The following PCDHA4 variants were observed in gnomAD, a reference collection of about 807,000 sequenced individuals.
The protein encoded by PCDHA4 is protocadherin alpha-4.
A neutral mutation model predicts 61.4 loss-of-function variants in PCDHA4; 49 were observed. That is an observed-to-expected ratio of 0.80 (90% confidence interval 0.63 to 1.01). PCDHA4 has a LOEUF of 1.01. Ranked by LOEUF, PCDHA4 falls within the 50% of genes least tolerant of loss-of-function variation. The pLI, the probability that PCDHA4 is intolerant of heterozygous loss-of-function variation, is 0.00. For missense variants in PCDHA4, 1,254 were observed against 1,235.8 expected, an observed-to-expected ratio of 1.01 and a Z score of -0.22; for synonymous variants, 590 against 550.3, an observed-to-expected ratio of 1.07 and a Z score of -1.01.
chr5:140,894,603 C>G (rs782068626), intron 1 of PCDHA4, among the ~76,000 whole-genome samples: 1 of 151,756 alleles, frequency 6.6e-6, no homozygotes, highest in African/African-American at 2.4e-5. Context: ...TTTCTCATCT[C>G]TCTTTTCAAA....
rs529382424 is a variant in PCDHA4 at position 140,924,810 on chromosome 5, G to A, written c.2386-54139G>A. 4.8e-4 allele frequency among the ~76,000 whole-genome samples: 73 copies of A among 151,660 alleles called. No homozygotes were observed. The South Asian group carries it at 9.2e-3, about 19-fold the overall frequency. ...CTTAGGAGGCTGAGGCAAGAGAATC[G>A]CTTGAACCTGGGAGGGGGAGGTTGC... On this transcript the variant is annotated intron_variant, in intron 1 of 3. Transcript: ENST00000530339.
chr5:140,998,017 C>T (rs555584429), intron 3 of PCDHA4, among the ~76,000 whole-genome samples: 67 of 152,292 alleles, frequency 4.4e-4, no homozygotes, highest in African/African-American at 1.4e-3. Context: ...ATCCCCACCT[C>T]GAGCTAGTGC....
rs2098417418 is a variant in PCDHA4, at chr5:141,010,475, T to A, written c.*538T>A. On this transcript the variant is annotated 3_prime_UTR_variant, in exon 4 of 4. Coordinates refer to ENST00000530339, the MANE Select transcript of PCDHA4 (RefSeq NM_018907.4). ...GGAAGTTATCAGTATGGAGGGGAAG[T>A]GTAAACTTAAAGGGACCAGACTTTC... 16 of 757,310 alleles carry A rather than the reference T, an allele frequency of 2.1e-5. No homozygotes were observed. The highest frequency in any genetic ancestry group is 3.0e-5 in the Non-Finnish European group (15 of 502,774). 46.9% of individuals were successfully genotyped at this position (757,310 alleles called of 1,614,324 possible). A position where few individuals can be genotyped will look rare whatever the true frequency, so the allele number is the denominator to read the frequency against.
intron 1 of PCDHA4, chr5:140,967,438 C>T: frequency 6.2e-7 from 1 of 1,613,548 alleles, no homozygotes; most frequent in South Asian, 1.1e-5. Flanking sequence ...CCTTGCACCA[C>T]CTGGTTCTCA....
At chr5:140,988,471 G>A (rs1442408975) in intron 3 of PCDHA4, among the ~76,000 whole-genome samples, 1 of 152,078 alleles carries the variant, frequency 6.6e-6, no homozygotes, top group Non-Finnish European at 1.5e-5. Context: ...TGTGGGAAGG[G>A]GAATTAGCAT....
At chr5:140,878,451 T>A (rs2057595888) in intron 1 of PCDHA4, among the ~76,000 whole-genome samples, 1 of 152,250 alleles carries the variant, frequency 6.6e-6, no homozygotes, top group Non-Finnish European at 1.5e-5. Context: ...CTTATTTACA[T>A]GAAATATAAT....
At chr5:140,887,668 A>G (rs1047587717) in intron 1 of PCDHA4, among the ~76,000 whole-genome samples, 1 of 151,958 alleles carries the variant, frequency 6.6e-6, no homozygotes, top group Non-Finnish European at 1.5e-5. Context: ...CTGTGGATTT[A>G]TCATTTTCAT....
chr5:140,914,639 G>C (rs1348153716), intron 1 of PCDHA4, among the ~76,000 whole-genome samples: 5 of 151,890 alleles, frequency 3.3e-5, no homozygotes, highest in Admixed American at 3.3e-4. Context: ...TGGTTTCATG[G>C]TCATCTCTCC....
rs1395413340 is a variant in PCDHA4 at position 140,844,044 on chromosome 5, A to G, written c.2385+34472A>G. ...GGGCATTTTGATCTTTGGTGAAAGT[A>G]TTCCCCCAAAGCGTTTATTCTTTTG... On this transcript the variant is annotated intron_variant, in intron 1 of 3. Coordinates refer to ENST00000530339, the MANE Select transcript of PCDHA4 (RefSeq NM_018907.4). 1.3e-5 allele frequency among the ~76,000 whole-genome samples: 2 copies of G among 149,664 alleles called. 1 individual carries two copies. The highest frequency in any genetic ancestry group is 4.9e-5 in the African/African-American group (2 of 40,852).
intron 3 of PCDHA4, among the ~76,000 whole-genome samples, chr5:141,007,506 T>A (rs1370245633): frequency 6.6e-6 from 1 of 151,948 alleles, no homozygotes; most frequent in Non-Finnish European, 1.5e-5. Flanking sequence ...AGGCAGAGAC[T>A]GCAGTGAGCT....
In PCDHA4 at chr5:140,808,976, G is replaced by A. The variant is rs1554124931; in HGVS notation, c.1789G>A (p.Val597Met). ...CCACGTGGTGGCAAAGGTGCGCGCG[G>A]TGGATGCTGACTCGGGCTACAACGC... ...VGHVVAKVRA[V>M]DADSGYNAWL... Residue 597 changes from valine (V) to methionine (M), a missense_variant, in exon 1 of 4, where the codon GTG becomes ATG. Physicochemically the swap from Val to Met is conservative, Grantham distance 21 (BLOSUM62 1). Coordinates refer to ENST00000530339, the MANE Select transcript of PCDHA4 (RefSeq NM_018907.4). The A allele has an allele frequency of 1.2e-6, 2 of 1,613,688 alleles. No individual in the cohort carries two copies. The highest frequency in any genetic ancestry group is 1.1e-5 in the South Asian group (1 of 91,054).
chr5:141,010,285 C>G lies in PCDHA4; in HGVS notation c.*348C>G, dbSNP rs1214485732. ...CTCCGGGGATCCTGTCTTGATGACA[C>G]TTGCAGGGCAGGCTGAAAAGTTTTG... On this transcript the variant is annotated 3_prime_UTR_variant, in exon 4 of 4. Transcript: ENST00000530339. 1.3e-6 allele frequency: 2 copies of G among 1,550,576 alleles called. No individual in the cohort carries two copies. Among genetic ancestry groups the G allele is most frequent in the Non-Finnish European group, 1.7e-6 (2 of 1,146,690 alleles).
At position 140,807,239 on chromosome 5, in the gene PCDHA4, C is replaced by G. The variant is rs782505608; in HGVS notation, c.52C>G (p.Leu18Val). The G allele has an allele frequency of 6.2e-7, 1 of 1,613,964 alleles. No homozygotes were observed. The highest frequency in any genetic ancestry group is 1.3e-5 in the African/African-American group (1 of 74,938). ...GGAATCCCGGCGTCTGCTGCTCTTA[C>G]TTCTTCTCCTCGCAGCCTGGGAGGC... ...GQESRRLLLL[L>V]LLLAAWEAGN... The change falls in exon 1 of 4, where the codon CTT becomes GTT. Residue 18 changes from leucine to valine, a missense_variant. Coordinates refer to ENST00000530339, the MANE Select transcript of PCDHA4 (RefSeq NM_018907.4).
intron 1 of PCDHA4, chr5:140,823,567 C>A (rs2150126965): frequency 1.2e-6 from 2 of 1,613,944 alleles, no homozygotes; most frequent in South Asian, 2.2e-5. Context: ...CGCAGTGGAC[C>A]CTGATTCGGG....
In PCDHA4 at chr5:140,858,604, A is replaced by T. The variant is rs547814145; in HGVS notation, c.2385+49032A>T. 1.3e-3 allele frequency: 1,648 copies of T among 1,276,538 alleles called. 106 individuals carry two copies. The South Asian group carries it at 0.023, about 18-fold the overall frequency. 79.1% of individuals were successfully genotyped at this position (1,276,538 alleles called of 1,614,324 possible). ...TATAATTTATTCCAGGAGTTTTAAA[A>T]TTTTTTTATCCTACCCAGTGTGTCA... On this transcript the variant is annotated intron_variant, in intron 1 of 3. Transcript: ENST00000530339.
intron 1 of PCDHA4, among the ~76,000 whole-genome samples, chr5:140,915,626 G>GTCTCTCTCTCTCTCTC (rs57920489): frequency 1.4e-5 from 2 of 146,436 alleles, no homozygotes; most frequent in African/African-American, 2.5e-5. Context: ...GTCTCTTTCT[G>GTCTCTCTCTCTCTCTC]TCTCTCTCTC....
At chr5:140,823,960 G>A (rs2150130834) in intron 1 of PCDHA4, 1 of 1,614,104 alleles carries the variant, frequency 6.2e-7, no homozygotes, top group South Asian at 1.1e-5. Context: ...GCCCACCGAG[G>A]CCGTGTGCAC....
At chr5:140,998,095 CA>C (rs1482651958) in intron 3 of PCDHA4, among the ~76,000 whole-genome samples, 1 of 152,106 alleles carries the variant, frequency 6.6e-6, no homozygotes, top group Non-Finnish European at 1.5e-5. Flanking sequence ...AATGCTAGAG[CA>C]AACAGAGGAG....
chr5:140,854,169 A>AAAAAG, intron 1 of PCDHA4: 1 of 675,122 alleles, frequency 1.5e-6, no homozygotes, highest in South Asian at 6.4e-5. Flanking sequence ...CAAAAAAAAA[A>AAAAAG]AAAAAAAGAG....
Sources: allele counts gnomAD v4.1 joint callset (sites outside exome capture counted in the v4.1 genomes callset), GRCh38; gene constraint gnomAD v4.1.1; transcripts MANE v1.5; gene names NCBI Gene and HGNC (gene_info 2026-07-23, HGNC 2026-07-21).